BTBD7: variants seen among roughly 807,000 people sequenced by gnomAD.
BTBD7 encodes BTB domain containing 7, also known as BTB/POZ domain-containing protein 7.
BTBD7 carries 38 observed loss-of-function variants against 99.9 expected under a neutral mutation model. That is an observed-to-expected ratio of 0.38 (90% CI 0.29 to 0.50). The LOEUF is 0.50. BTBD7 is among the 20% of genes least tolerant of loss of function. The pLI is 0.93. For synonymous variants in BTBD7, 520 were observed against 511.4 expected, an observed-to-expected ratio of 1.02 and a Z score of -0.23; for missense variants, 1,170 against 1,394.6, an observed-to-expected ratio of 0.84 and a Z score of 2.57.
Position 93,242,834 on chromosome 14 carries a change from A to T in BTBD7, c.2838T>A (p.Tyr946Ter). ...GTCTGCAAGCAGCATTTGAGAAGTC[A>T]TAGAAATCCGGATATTCCTGTGGAT... Reference protein sequence around the residue: ...RENPQEYPDFYDFSNAACRPS... With the variant: ...RENPQEYPDF Residue 946 changes from tyrosine (Y) to a stop codon, truncating the protein, a stop_gained, in exon 11 of 11, where the codon TAT becomes TAA. Coordinates refer to ENST00000334746, the MANE Select transcript of BTBD7 (RefSeq NM_001002860.4). LOFTEE classifies it high-confidence loss of function. The T allele has an allele frequency of 6.2e-7, 1 of 1,614,198 alleles. No homozygotes were observed. The highest frequency in any genetic ancestry group is 8.5e-7 in the Non-Finnish European group (1 of 1,180,054).
At chr14:93,318,630 A>G (rs1219850485) in intron 1 of BTBD7, among the ~76,000 whole-genome samples, 2 of 152,224 alleles carry the variant, frequency 1.3e-5, no homozygotes, top group African/African-American at 4.8e-5. Context: ...AGAACTGAGT[A>G]AAGGAGAGTA....
intron 1 of BTBD7, among the ~76,000 whole-genome samples, chr14:93,297,356 T>A (rs1239443592): frequency 6.6e-6 from 1 of 152,240 alleles, no homozygotes; most frequent in Admixed American, 6.5e-5. Flanking sequence ...GGAGTCTCGC[T>A]CTGGCGCCCA....
chr14:93,313,315 TAAATGAA>T (rs2053159595), intron 1 of BTBD7, among the ~76,000 whole-genome samples: 2 of 152,232 alleles, frequency 1.3e-5, no homozygotes. Context: ...CTATTCATGT[TAAATGAA>T]AATCTTTAAA....
chr14:93,242,045 C>A lies in BTBD7; in HGVS notation c.*228G>T. 4.1e-6 allele frequency: 2 copies of A among 489,234 alleles called. No homozygotes were observed. Among genetic ancestry groups the A allele is most frequent in the African/African-American group, 1.9e-5 (1 of 51,394 alleles). The allele number at this position is 489,234 out of a possible 1,614,324, so 30.3% of individuals were successfully genotyped here. A position where few individuals can be genotyped will look rare whatever the true frequency, so the allele number is the denominator to read the frequency against. The stretch of plus-strand genomic sequence containing the variant: ...GCCTGCTTGTTCTTAAAAATGCCTC[C>A]CGACATAATTGTTCAAAGACAAATT... On this transcript the variant is annotated 3_prime_UTR_variant, in exon 11 of 11. Coordinates refer to ENST00000334746, the MANE Select transcript of BTBD7 (RefSeq NM_001002860.4).
intron 6 of BTBD7, chr14:93,255,898 A>G (rs920018205): frequency 1.3e-5 from 2 of 152,046 alleles, no homozygotes; most frequent in Non-Finnish European, 2.9e-5. Context: ...TAACTGTTTC[A>G]TTTTGCTTTC....
intron 9 of BTBD7, among the ~76,000 whole-genome samples, chr14:93,246,896 A>G (rs2139678116): frequency 7.9e-6 from 1 of 127,056 alleles, no homozygotes; most frequent in East Asian, 2.5e-4. Context: ...AAAAATGAAA[A>G]TCAACAATCT....
intron 8 of BTBD7, among the ~76,000 whole-genome samples, chr14:93,249,827 T>C (rs1216589569): frequency 1.3e-5 from 2 of 152,102 alleles, no homozygotes; most frequent in African/African-American, 2.4e-5. Context: ...AAACCTGAAG[T>C]AGGGCTGTAG....
chr14:93,322,327 C>A (rs1415570081), intron 1 of BTBD7, among the ~76,000 whole-genome samples: 1 of 151,936 alleles, frequency 6.6e-6, no homozygotes, highest in Non-Finnish European at 1.5e-5. Context: ...CTATGTTGCC[C>A]AGACTGGTCT....
intron 3 of BTBD7, among the ~76,000 whole-genome samples, chr14:93,282,493 T>C (rs1480203552): frequency 6.6e-6 from 1 of 151,998 alleles, no homozygotes; most frequent in Non-Finnish European, 1.5e-5. Flanking sequence ...CCACCACACC[T>C]GGCTAATTTT....
rs761700980 is a variant in BTBD7 at position 93,263,972 on chromosome 14, T to C, written c.1184A>G (p.Glu395Gly). ...AATTAAGGTATCTAATGAGATGCTC[T>C]CAGCAATGATATCCTCACAGCCTAA... is the stretch of plus-strand genomic sequence containing the variant. ...LAQGCEDIIA[E>G]SISLDTLIAI... Residue 395 changes from glutamate (E) to glycine (G), a missense_variant, in exon 4 of 11, where the codon GAG becomes GGG. By Grantham distance (98) the Glu-to-Gly change is moderately conservative. Coordinates refer to ENST00000334746, the MANE Select transcript of BTBD7 (RefSeq NM_001002860.4). The C allele has an allele frequency of 1.2e-6, 2 of 1,614,070 alleles. No individual in the cohort carries two copies. The highest frequency in any genetic ancestry group is 1.7e-6 in the Non-Finnish European group (2 of 1,179,936).
intron 1 of BTBD7, among the ~76,000 whole-genome samples, chr14:93,300,318 C>A (rs1415401342): frequency 2.1e-5 from 3 of 143,608 alleles, no homozygotes. Context: ...AGTGCAGTGG[C>A]GTGATCTCAG....
intron 1 of BTBD7, among the ~76,000 whole-genome samples, chr14:93,315,404 C>T (rs1328523335): frequency 6.6e-6 from 1 of 152,152 alleles, no homozygotes; most frequent in African/African-American, 2.4e-5. Flanking sequence ...CTTTTGTTAG[C>T]CATTGAGGTG....
chr14:93,271,825 G>A (rs553300015), intron 3 of BTBD7, among the ~76,000 whole-genome samples: 30 of 151,732 alleles, frequency 2.0e-4, no homozygotes, highest in Admixed American at 1.9e-3. Flanking sequence ...GGGCAATATG[G>A]TGAAACCTTG....
At chr14:93,312,060 C>T (rs908071354) in intron 1 of BTBD7, among the ~76,000 whole-genome samples, 5 of 151,924 alleles carry the variant, frequency 3.3e-5, no homozygotes, top group African/African-American at 9.7e-5. Context: ...ATACTTTATA[C>T]AACATTTTAC....
intron 1 of BTBD7, among the ~76,000 whole-genome samples, chr14:93,319,394 GAATA>G (rs1292476610): frequency 1.6e-4 from 25 of 152,314 alleles, no homozygotes; most frequent in African/African-American, 6.0e-4. Context: ...ACAGATGAAT[GAATA>G]AAGAAAATGT....
At chr14:93,287,878 G>A (rs1370069223) in intron 3 of BTBD7, 5 of 152,234 alleles carry the variant, frequency 3.3e-5, no homozygotes, top group Non-Finnish European at 5.9e-5. Context: ...GCAGCTGCCT[G>A]AGTGGGGAAG....
intron 5 of BTBD7, among the ~76,000 whole-genome samples, chr14:93,258,246 T>C (rs2052452085): frequency 1.3e-5 from 2 of 151,706 alleles, no homozygotes; most frequent in African/African-American, 4.8e-5. Context: ...AGAGAATTGA[T>C]TGTTTTTGAG....
intron 1 of BTBD7, among the ~76,000 whole-genome samples, chr14:93,300,772 GTATATA>G (rs1192199666): frequency 1.5e-5 from 1 of 67,886 alleles, no homozygotes. Context: ...GTGTGTGTGT[GTATATA>G]TATATATATT....
At chr14:93,279,762 G>A (rs1311446152) in intron 3 of BTBD7, among the ~76,000 whole-genome samples, 1 of 152,194 alleles carries the variant, frequency 6.6e-6, no homozygotes, top group Non-Finnish European at 1.5e-5. Context: ...TGGCCAGACT[G>A]ATGGACTATC....
Sources: gnomAD v4.1 joint callset for allele counts (sites outside exome capture counted in the v4.1 genomes callset) on GRCh38, gnomAD v4.1.1 for gene constraint, MANE v1.5 for transcripts, NCBI Gene and HGNC (gene_info 2026-07-23, HGNC 2026-07-21) for gene names.